The following ATXN7L1 variants were observed in gnomAD, a reference collection of about 807,000 sequenced individuals.
The protein encoded by ATXN7L1 is ataxin-7-like protein 1.
Under a neutral mutation model 70.8 loss-of-function variants are expected in ATXN7L1, and 15 were observed. That is an observed-to-expected ratio of 0.21 (90% CI 0.14 to 0.33). The LOEUF is 0.33. Ranked by LOEUF, ATXN7L1 falls within the 10% of genes least tolerant of loss-of-function variation. The probability of loss-of-function intolerance (pLI) is 1.00; values close to 1 mark genes in which losing one functional copy is unlikely to be tolerated. For synonymous variants in ATXN7L1, 440 were observed against 445.1 expected, an observed-to-expected ratio of 0.99 and a Z score of 0.14; for missense variants, 975 against 1,097.1, an observed-to-expected ratio of 0.89 and a Z score of 1.57.
chr7:105,873,521 G>T (rs537941666), intron 2 of ATXN7L1, among the ~76,000 whole-genome samples: 1 of 152,194 alleles, frequency 6.6e-6, no homozygotes, highest in Non-Finnish European at 1.5e-5. Flanking sequence ...TCTCACCATG[G>T]GGGAATACGT....
At chr7:105,694,898 A>G (rs1034961508) in intron 3 of ATXN7L1, among the ~76,000 whole-genome samples, 20 of 152,198 alleles carry the variant, frequency 1.3e-4, no homozygotes, top group African/African-American at 4.6e-4. Flanking sequence ...CACACCTGTA[A>G]TCCCAGCACT....
intron 2 of ATXN7L1, among the ~76,000 whole-genome samples, chr7:105,856,586 CAAAA>C (rs375731226): frequency 2.5e-5 from 2 of 80,292 alleles, no homozygotes; most frequent in Non-Finnish European, 2.5e-5. Flanking sequence ...GACTCAGTCT[CAAAA>C]AAAAAAAAAA....
chr7:105,776,594 G>A lies in ATXN7L1; in HGVS notation c.355+12010C>T, dbSNP rs893327954. ...GTGGACTCAGGGAATTGAATGGTGA[G>A]CCTGACAGGGGTCCTTGTTCCTTGA... On this transcript the variant is annotated intron_variant, in intron 3 of 11. Transcript: ENST00000419735. Among the ~76,000 whole-genome samples, 5 of 152,250 alleles carry A rather than the reference G, an allele frequency of 3.3e-5. No individual in the cohort carries two copies. The East Asian group carries it at 7.7e-4, about 24-fold the overall frequency.
chr7:105,613,531 C>T (rs910631687), intron 10 of ATXN7L1: 23 of 1,236,158 alleles, frequency 1.9e-5, no homozygotes, highest in Middle Eastern at 3.0e-4. Context: ...TAAAACTGAC[C>T]GATGTGGAGT....
rs934517522 is a variant in ATXN7L1 at position 105,809,784 on chromosome 7, T to C, written c.251-21076A>G. On this transcript the variant is annotated intron_variant, in intron 2 of 11. Coordinates refer to ENST00000419735, the MANE Select transcript of ATXN7L1 (RefSeq NM_020725.2). ...GTGGCTCCAGACTCCTTTTTTTTTT[T>C]TTCCAAGACAGGGTCTCACTCTGTT... Among the ~76,000 whole-genome samples, 145 of 152,214 alleles carry C rather than the reference T, an allele frequency of 9.5e-4. 1 individual carries two copies. Among genetic ancestry groups the C allele is most frequent in the African/African-American group, 3.5e-3 (144 of 41,514 alleles).
At chr7:105,629,239 G>C (rs1308494896) in intron 7 of ATXN7L1, among the ~76,000 whole-genome samples, 1 of 152,016 alleles carries the variant, frequency 6.6e-6, no homozygotes, top group African/African-American at 2.4e-5. Flanking sequence ...TATTCATCTT[G>C]TAACTGAAAG....
intron 3 of ATXN7L1, among the ~76,000 whole-genome samples, chr7:105,786,639 C>T (rs1563091654): frequency 6.6e-6 from 1 of 152,124 alleles, no homozygotes; most frequent in South Asian, 2.1e-4. Flanking sequence ...TCCCCCTCTG[C>T]CTCTCCAGTA....
chr7:105,791,386 C>T (rs979118674), intron 2 of ATXN7L1, among the ~76,000 whole-genome samples: 1 of 152,182 alleles, frequency 6.6e-6, no homozygotes, highest in Non-Finnish European at 1.5e-5. Flanking sequence ...GCCTGGTAGG[C>T]AGGCGGGAGG....
rs192468837 is a variant in ATXN7L1 at position 105,620,075 on chromosome 7, G to T, written c.1517+125C>A. 3.4e-4 allele frequency: 416 copies of T among 1,215,480 alleles called. 1 individual carries two copies. The African/African-American group carries it at 5.5e-3, about 16-fold the overall frequency. 75.3% of individuals were successfully genotyped at this position (1,215,480 alleles called of 1,614,324 possible). Reference sequence around the variant, plus strand: ...GAGCTGGTATTTAAGAATTAATCAAGCATCCTGACTTCAGAATCATTTTGT... The same window carrying T: ...GAGCTGGTATTTAAGAATTAATCAATCATCCTGACTTCAGAATCATTTTGT... On this transcript the variant is annotated intron_variant, in intron 9 of 11. Coordinates refer to ENST00000419735, the MANE Select transcript of ATXN7L1 (RefSeq NM_020725.2).
intron 4 of ATXN7L1, among the ~76,000 whole-genome samples, chr7:105,655,188 C>T (rs1800425693): frequency 6.6e-6 from 1 of 152,150 alleles, no homozygotes; most frequent in Non-Finnish European, 1.5e-5. Flanking sequence ...CTTACCTTTG[C>T]TCATCTGAAA....
Position 105,614,028 on chromosome 7 carries a change from G to A in ATXN7L1, c.2306C>T (p.Pro769Leu), listed in dbSNP as rs1372352778. 2.6e-6 allele frequency: 4 copies of A among 1,551,856 alleles called. No homozygotes were observed. The highest frequency in any genetic ancestry group is 3.9e-5 in the Admixed American group (2 of 50,994). ...TCCTTCTGATTTGTCAAAAGAGAGGGGCAGAGAAGACACAGCATTGTGTGA... is the reference window on the plus strand; with the variant it reads ...TCCTTCTGATTTGTCAAAAGAGAGGAGCAGAGAAGACACAGCATTGTGTGA... ...LASHNAVSSL[P>L]LSFDKSEGKK... is the part of the protein sequence containing the mutation. The change falls in exon 10 of 12, where the codon CCC becomes CTC. Residue 769 changes from proline (P) to leucine (L), a missense_variant. Pro to Leu is a moderately conservative substitution (Grantham distance 98, BLOSUM62 -3). Coordinates refer to ENST00000419735, the MANE Select transcript of ATXN7L1 (RefSeq NM_020725.2). The surrounding 1 kb of genome is among the most constrained non-coding windows in gnomAD (Gnocchi z 4.3).
chr7:105,725,612 A>C (rs1795713677), intron 3 of ATXN7L1, among the ~76,000 whole-genome samples: 1 of 142,158 alleles, frequency 7.0e-6, no homozygotes, highest in Non-Finnish European at 1.5e-5. Context: ...ATGGAGTCTC[A>C]CTCTGTCATC....
At chr7:105,862,514 A>G (rs1256758604) in intron 2 of ATXN7L1, among the ~76,000 whole-genome samples, 1 of 152,160 alleles carries the variant, frequency 6.6e-6, no homozygotes, top group East Asian at 1.9e-4. Flanking sequence ...ATTCTGTCCC[A>G]TTAAGTGTAA....
intron 8 of ATXN7L1, among the ~76,000 whole-genome samples, chr7:105,621,767 C>A (rs1161363887): frequency 6.6e-6 from 1 of 152,200 alleles, no homozygotes; most frequent in African/African-American, 2.4e-5. Context: ...AGCTCCCTGG[C>A]CTCTCTCCCA....
intron 2 of ATXN7L1, among the ~76,000 whole-genome samples, chr7:105,871,194 G>A (rs80265657): frequency 0.027 from 4,164 of 151,594 alleles, 204 homozygotes; most frequent in African/African-American, 0.093. Flanking sequence ...GTCTCAAAGG[G>A]ACCTTAGAGG....
chr7:105,751,054 C>A (rs544251476), intron 3 of ATXN7L1, among the ~76,000 whole-genome samples: 1 of 152,134 alleles, frequency 6.6e-6, no homozygotes, highest in African/African-American at 2.4e-5. Flanking sequence ...TGTATCTTGA[C>A]TTAACTACTC....
chr7:105,628,792 CAAATAAAT>C (rs199937717), intron 7 of ATXN7L1, among the ~76,000 whole-genome samples: 16,624 of 141,814 alleles, frequency 0.12, 1,060 homozygotes, highest in East Asian at 0.23. Flanking sequence ...GACTCCATCT[CAAATAAAT>C]AAATAAATAA....
At chr7:105,804,870 G>C (rs1393153114) in intron 2 of ATXN7L1, among the ~76,000 whole-genome samples, 2 of 152,184 alleles carry the variant, frequency 1.3e-5, no homozygotes, top group Non-Finnish European at 2.9e-5. Flanking sequence ...TGAACTCAAG[G>C]CTGCTGGATC....
chr7:105,632,661 A>G (rs1374366594), intron 7 of ATXN7L1, among the ~76,000 whole-genome samples: 1 of 152,100 alleles, frequency 6.6e-6, no homozygotes, highest in Non-Finnish European at 1.5e-5. Context: ...AGTGGTTCAC[A>G]TCTGTAATCC....
Sources: allele counts gnomAD v4.1 joint callset (sites outside exome capture counted in the v4.1 genomes callset), GRCh38; gene constraint gnomAD v4.1.1; non-coding constraint Gnocchi (gnomAD v3.1); transcripts MANE v1.5; gene names NCBI Gene and HGNC (gene_info 2026-07-23, HGNC 2026-07-21).